Variants in DENND1B observed in about 807,000 individuals in gnomAD.
DENND1B encodes the protein DENN domain-containing protein 1B.
DENND1B carries 59 observed loss-of-function variants against 90.1 expected under a neutral mutation model. The ratio of observed to expected loss-of-function variants is 0.65; its 90% CI spans 0.53 to 0.81. The LOEUF (loss-of-function observed/expected upper bound fraction) is 0.81, where lower values mean the gene tolerates loss of function less well. Ranked by LOEUF, DENND1B falls within the 40% of genes least tolerant of loss-of-function variation. The probability of loss-of-function intolerance (pLI) is 0.00; values close to 1 mark genes in which losing one functional copy is unlikely to be tolerated. For missense variants in DENND1B, 862 were observed against 912.6 expected, an observed-to-expected ratio of 0.94 and a Z score of 0.71; for synonymous variants, 337 against 324.6, an observed-to-expected ratio of 1.04 and a Z score of -0.41.
chr1:197,508,742 T>C lies in DENND1B; in HGVS notation c.*1718A>G, dbSNP rs1323170198. 6 of 151,758 alleles carry C rather than the reference T, an allele frequency of 4.0e-5. No homozygotes were observed. Among genetic ancestry groups the C allele is most frequent in the African/African-American group, 1.5e-4 (6 of 41,372 alleles). 9.4% of individuals were successfully genotyped at this position (151,758 alleles called of 1,614,324 possible). Reference sequence around the variant, plus strand: ...GTAAAAAAAATCATGATTGGGGATGTATAAAGTGGATATACTGAAAATGCT... The same window carrying C: ...GTAAAAAAAATCATGATTGGGGATGCATAAAGTGGATATACTGAAAATGCT... On this transcript the variant is annotated 3_prime_UTR_variant, in exon 23 of 23. Coordinates refer to ENST00000620048, the MANE Select transcript of DENND1B (RefSeq NM_001195215.2).
intron 20 of DENND1B, among the ~76,000 whole-genome samples, chr1:197,516,812 AC>A (rs1668431709): frequency 6.6e-6 from 1 of 151,838 alleles, no homozygotes; most frequent in Non-Finnish European, 1.5e-5. Context: ...ACTATGCAGG[AC>A]CTGAAATGTA....
At chr1:197,616,777 G>A (rs963704575) in intron 11 of DENND1B, among the ~76,000 whole-genome samples, 8 of 151,126 alleles carry the variant, frequency 5.3e-5, no homozygotes, top group Admixed American at 1.3e-4. Flanking sequence ...CATTAGCTGT[G>A]AAATAAGCAA....
At chr1:197,637,282 T>G (rs959535643) in intron 10 of DENND1B, among the ~76,000 whole-genome samples, 2 of 152,124 alleles carry the variant, frequency 1.3e-5, no homozygotes, top group Non-Finnish European at 2.9e-5. Flanking sequence ...TCCAAGGTCA[T>G]TTCTGTGGAT....
chr1:197,554,651 A>C (rs1671548980), intron 15 of DENND1B, among the ~76,000 whole-genome samples: 1 of 151,582 alleles, frequency 6.6e-6, no homozygotes, highest in Non-Finnish European at 1.5e-5. Flanking sequence ...CATCCTAGCC[A>C]ACATGGTGAA....
intron 10 of DENND1B, 116 bp downstream of exon 10, chr1:197,642,595 G>A (rs989528946): frequency 9.2e-5 from 58 of 627,114 alleles, no homozygotes; most frequent in East Asian, 1.2e-4. Context: ...CATCAAAAAC[G>A]TATGTAGATA....
intron 20 of DENND1B, among the ~76,000 whole-genome samples, chr1:197,513,360 C>T (rs1186427750): frequency 6.6e-6 from 1 of 151,636 alleles, no homozygotes; most frequent in Non-Finnish European, 1.5e-5. Flanking sequence ...CTCTCTTCCA[C>T]CCCAAGTATT....
intron 10 of DENND1B, among the ~76,000 whole-genome samples, chr1:197,634,996 A>AAAGGAAGGAAGGAAGC (rs1324779111): frequency 6.7e-6 from 1 of 149,816 alleles, no homozygotes; most frequent in African/African-American, 2.4e-5. Context: ...CTCTGCGTGA[A>AAAGGAAGGAAGGAAGC]AAGGAAGGAA....
intron 5 of DENND1B, among the ~76,000 whole-genome samples, chr1:197,667,910 T>C (rs1405379270): frequency 2.0e-5 from 3 of 152,194 alleles, no homozygotes; most frequent in Admixed American, 1.3e-4. Context: ...CTCAGAGTTT[T>C]AGAGCAGGAA....
chr1:197,775,374 C>T lies in DENND1B; in HGVS notation c.-219G>A, dbSNP rs1272956565. 10 of 343,526 alleles carry T rather than the reference C, an allele frequency of 2.9e-5. No homozygotes were observed. Among genetic ancestry groups the T allele is most frequent in the Non-Finnish European group, 5.2e-6 (1 of 191,860 alleles). The allele number at this position is 343,526 out of a possible 1,614,324, so 21.3% of individuals were successfully genotyped here. Reference sequence around the variant, plus strand: ...CACCAGAGCCTTTCTGTGACAGCAGCGGTGGCGTGGCCGCCGCCCCCGTCT... The same window carrying T: ...CACCAGAGCCTTTCTGTGACAGCAGTGGTGGCGTGGCCGCCGCCCCCGTCT... On this transcript the variant is annotated 5_prime_UTR_variant, in exon 1 of 23. Transcript: ENST00000620048.
upstream of DENND1B, among the ~76,000 whole-genome samples, chr1:197,776,379 T>C (rs1055871411): frequency 1.3e-5 from 2 of 152,234 alleles, no homozygotes; most frequent in Non-Finnish European, 2.9e-5. Flanking sequence ...CCTCCTCTGC[T>C]GTCTCATATT....
chr1:197,523,258 G>T (rs1372358081), intron 20 of DENND1B, among the ~76,000 whole-genome samples: 1 of 152,022 alleles, frequency 6.6e-6, no homozygotes, highest in East Asian at 1.9e-4. Flanking sequence ...ACCTTTATCT[G>T]CCCTAGGGAA....
intron 14 of DENND1B, 37 bp from the exon 15 acceptor site, chr1:197,583,290 A>G: frequency 6.3e-7 from 1 of 1,596,540 alleles, no homozygotes; most frequent in Non-Finnish European, 8.6e-7. Context: ...CATCAATAAA[A>G]GGTTAGTCAG....
chr1:197,767,658 G>A (rs917665830), intron 2 of DENND1B, among the ~76,000 whole-genome samples: 1 of 152,140 alleles, frequency 6.6e-6, no homozygotes, highest in African/African-American at 2.4e-5. Context: ...AGAACTATTA[G>A]ATCAAAGATT....
intron 15 of DENND1B, among the ~76,000 whole-genome samples, chr1:197,558,385 T>C (rs1055855441): frequency 1.3e-5 from 2 of 151,808 alleles, no homozygotes; most frequent in African/African-American, 4.8e-5. Context: ...AATGACATTA[T>C]TCCCTCTAAA....
At chr1:197,636,712 T>A (rs1679826456) in intron 10 of DENND1B, among the ~76,000 whole-genome samples, 1 of 152,162 alleles carries the variant, frequency 6.6e-6, no homozygotes, top group Non-Finnish European at 1.5e-5. Flanking sequence ...TTTATGTAAG[T>A]GAATTCAGTA....
At chr1:197,682,227 T>G (rs1397248802) in intron 3 of DENND1B, among the ~76,000 whole-genome samples, 1 of 152,114 alleles carries the variant, frequency 6.6e-6, no homozygotes, top group Non-Finnish European at 1.5e-5. Flanking sequence ...TATTTAAGCC[T>G]TGAATGTCCT....
intron 20 of DENND1B, among the ~76,000 whole-genome samples, chr1:197,513,480 C>T (rs1035199530): frequency 1.3e-5 from 2 of 150,474 alleles, no homozygotes; most frequent in East Asian, 3.9e-4. Context: ...TGAATTTCTG[C>T]ATTTCTAACA....
intron 15 of DENND1B, among the ~76,000 whole-genome samples, chr1:197,558,230 T>C (rs1261971205): frequency 1.3e-5 from 2 of 151,692 alleles, no homozygotes; most frequent in African/African-American, 2.4e-5. Flanking sequence ...GATCTAAACA[T>C]GTTAATCACA....
chr1:197,778,563 G>C (rs547975925), upstream of DENND1B, among the ~76,000 whole-genome samples: 2 of 152,070 alleles, frequency 1.3e-5, no homozygotes, highest in East Asian at 3.9e-4. Flanking sequence ...TGTAGTCCCA[G>C]ATAATAAGGA....
Sources: allele counts gnomAD v4.1 joint callset (sites outside exome capture counted in the v4.1 genomes callset), GRCh38; gene constraint gnomAD v4.1.1; transcripts MANE v1.5; gene names NCBI Gene and HGNC (gene_info 2026-07-23, HGNC 2026-07-21).